TLE2: variants seen among roughly 807,000 people sequenced by gnomAD.
TLE2 encodes the protein TLE family member 2, transcriptional corepressor, also known as transducin-like enhancer protein 2.
Under a neutral mutation model 97.2 loss-of-function variants are expected in TLE2, and 74 were observed. That is an observed-to-expected ratio of 0.76 (90% CI 0.63 to 0.92). The LOEUF (loss-of-function observed/expected upper bound fraction) is 0.92. TLE2 is among the 40% of genes least tolerant of loss of function. The pLI is 0.00. For synonymous variants in TLE2, 499 were observed against 432.1 expected (o/e 1.15, Z -1.92); for missense variants, 1,038 against 1,008.7 (o/e 1.03, Z -0.39).
At chr19:3,023,047 T>C (rs2089875675) in intron 5 of TLE2, among the ~76,000 whole-genome samples, 1 of 148,562 alleles carries the variant, frequency 6.7e-6, no homozygotes, top group South Asian at 2.1e-4. Context: ...AACAGTCATT[T>C]TACCTAATCT....
At position 3,019,134 on chromosome 19, in the gene TLE2, G is replaced by A; in HGVS notation, c.550+149C>T. ...GCTGGTCATGAACTCCTGGGCTCAA[G>A]CGATCCTCCCGCCTCGGCCTCCCAA... On this transcript the variant is annotated intron_variant, in intron 7 of 19. Transcript: ENST00000262953. The surrounding 1 kb of genome is among the most constrained non-coding windows in gnomAD (Gnocchi z 5.1). 8.3e-7 allele frequency: 1 copy of A among 1,199,056 alleles called. No homozygotes were observed. Among genetic ancestry groups the A allele is most frequent in the Non-Finnish European group, 1.1e-6 (1 of 870,638 alleles). 74.3% of individuals were successfully genotyped at this position (1,199,056 alleles called of 1,614,324 possible). A position where few individuals can be genotyped will look rare whatever the true frequency, so the allele number is the denominator to read the frequency against.
At position 3,005,783 on chromosome 19, in the gene TLE2, G is replaced by T; in HGVS notation, c.1686C>A (p.Cys562Ter). 6.2e-7 allele frequency: 1 copy of T among 1,613,984 alleles called. No homozygotes were observed. The highest frequency in any genetic ancestry group is 8.5e-7 in the Non-Finnish European group (1 of 1,179,854). The change falls in exon 16 of 20, where the codon TGC becomes TGA. Residue 562 changes from cysteine to a stop codon, truncating the protein, a stop_gained. Transcript: ENST00000262953. LOFTEE classifies it high-confidence loss of function. ...ALAVSPDAKV[C>*]FSCCSDGNIV... Reference sequence around the variant, plus strand: ...TGTTGCCATCGCTGCAGCAGGAGAAGCAAACCTTGGCGTCGGGGCTGACGG... The same window carrying T: ...TGTTGCCATCGCTGCAGCAGGAGAATCAAACCTTGGCGTCGGGGCTGACGG...
intron 1 of TLE2, among the ~76,000 whole-genome samples, chr19:3,037,341 C>T (rs999042870): frequency 1.3e-5 from 2 of 152,180 alleles, no homozygotes; most frequent in African/African-American, 4.8e-5. Context: ...GGTATTTAAG[C>T]TAGGGTTTTG....
rs553538534 is a variant in TLE2, at chr19:3,026,868, C to T, written c.231+961G>A. Among the ~76,000 whole-genome samples the T allele has an allele frequency of 2.7e-3, 414 of 152,182 alleles. 3 individuals are homozygous for T. Among genetic ancestry groups the T allele is most frequent in the African/African-American group, 9.8e-3 (405 of 41,496 alleles). ...CAGAACCTTGAGGTCTATCTCAGAA[C>T]TCTGAGGTCTATCTCTGACCCTTGA... is the stretch of plus-strand genomic sequence containing the variant. On this transcript the variant is annotated intron_variant, in intron 4 of 19. Coordinates refer to ENST00000262953, the MANE Select transcript of TLE2 (RefSeq NM_003260.5).
Position 3,019,867 on chromosome 19 carries a change from C to T in TLE2, c.295-94G>A, listed in dbSNP as rs993438680. 2 of 1,455,810 alleles carry T rather than the reference C, an allele frequency of 1.4e-6. No individual in the cohort carries two copies. The highest frequency in any genetic ancestry group is 1.2e-5 in the South Asian group (1 of 80,838). The allele number at this position is 1,455,810 out of a possible 1,614,324, so 90.2% of individuals were successfully genotyped here. A position where few individuals can be genotyped will look rare whatever the true frequency, so the allele number is the denominator to read the frequency against. Reference sequence around the variant, plus strand: ...ACCTGACCTCTCCCCGCCACCCTCTCATCTTTGCCCCGGTACTTCCCATTT... The same window carrying T: ...ACCTGACCTCTCCCCGCCACCCTCTTATCTTTGCCCCGGTACTTCCCATTT... On this transcript the variant is annotated intron_variant, in intron 5 of 19. Coordinates refer to ENST00000262953, the MANE Select transcript of TLE2 (RefSeq NM_003260.5). This position sits in a 1 kb window ranked among gnomAD's most constrained non-coding sequence, Gnocchi z 5.1.
At position 2,998,337 on chromosome 19, in the gene TLE2, G is replaced by C. The variant is rs558516553; in HGVS notation, c.2125-382C>G. On this transcript the variant is annotated intron_variant, in intron 19 of 19. Coordinates refer to ENST00000262953, the MANE Select transcript of TLE2 (RefSeq NM_003260.5). ...CTGTTGCCCAGGCTAGAGTGCAATG[G>C]TGTGATCTCTGCTCACTGCAACCTC... 5.3e-5 allele frequency among the ~76,000 whole-genome samples: 8 copies of C among 151,020 alleles called. No homozygotes were observed. In the East Asian group the frequency reaches 1.2e-3, roughly 22 times the overall value.
Position 3,011,147 on chromosome 19 carries a change from G to T in TLE2, c.887C>A (p.Ala296Asp). 1 of 1,602,142 alleles carries T rather than the reference G, an allele frequency of 6.2e-7. No individual in the cohort carries two copies. The highest frequency in any genetic ancestry group is 8.5e-7 in the Non-Finnish European group (1 of 1,173,926). The change falls in exon 12 of 20, where the codon GCC (alanine) becomes GAC (aspartate). Residue 296 changes from alanine (A) to aspartate (D), a missense_variant. Transcript: ENST00000262953. ...AKELILNDLP[A>D]STPASKSCDS... is the part of the protein sequence containing the mutation. Reference sequence around the variant, plus strand: ...ACAGGATTTGGAGGCAGGAGTGCTGGCGGGAAGGTCATTCTGCAGAGAAAG... The same window carrying T: ...ACAGGATTTGGAGGCAGGAGTGCTGTCGGGAAGGTCATTCTGCAGAGAAAG...
At chr19:3,013,936 T>C (rs2089649032) in intron 10 of TLE2, 118 bp from the exon 11 acceptor site, 9 of 1,050,052 alleles carry the variant, frequency 8.6e-6, no homozygotes, top group Admixed American at 3.8e-5. Flanking sequence ...TGACCCACCA[T>C]GGGAAGATTA....
intron 1 of TLE2, among the ~76,000 whole-genome samples, chr19:3,043,123 CT>C (rs1163655130): frequency 1.3e-5 from 2 of 151,666 alleles, no homozygotes; most frequent in African/African-American, 2.4e-5. Flanking sequence ...CCCGGCACAG[CT>C]TTTTGTTTTT....
intron 12 of TLE2, among the ~76,000 whole-genome samples, chr19:3,010,504 G>A (rs764665603): frequency 2.0e-4 from 31 of 152,094 alleles, no homozygotes; most frequent in Non-Finnish European, 4.0e-4. Context: ...GACTATACAG[G>A]GCTGTGAGTT....
In TLE2 at chr19:3,019,268, G is replaced by T; in HGVS notation, c.550+15C>A. 1 of 1,567,470 alleles carries T rather than the reference G, an allele frequency of 6.4e-7. No individual in the cohort carries two copies. Among genetic ancestry groups the T allele is most frequent in the Non-Finnish European group, 8.6e-7 (1 of 1,165,038 alleles). On this transcript the variant is annotated intron_variant, in intron 7 of 19. Coordinates refer to ENST00000262953, the MANE Select transcript of TLE2 (RefSeq NM_003260.5). The surrounding 1 kb of genome is among the most constrained non-coding windows in gnomAD (Gnocchi z 5.1). ...CCGTCTCCCCAGCCAATGCCACCCCGTGCTGCCCACTCACCTCTGGACCCC... is the reference window on the plus strand; with the variant it reads ...CCGTCTCCCCAGCCAATGCCACCCCTTGCTGCCCACTCACCTCTGGACCCC...
rs878931025 is a variant in TLE2, at chr19:3,019,868, A to G, written c.295-95T>C. 88 of 1,455,076 alleles carry G rather than the reference A, an allele frequency of 6.0e-5. No individual in the cohort carries two copies. In the South Asian group the frequency reaches 1.0e-3, roughly 17 times the overall value. The allele number at this position is 1,455,076 out of a possible 1,614,324, so 90.1% of individuals were successfully genotyped here. On this transcript the variant is annotated intron_variant, in intron 5 of 19. Coordinates refer to ENST00000262953, the MANE Select transcript of TLE2 (RefSeq NM_003260.5). This position sits in a 1 kb window ranked among gnomAD's most constrained non-coding sequence, Gnocchi z 5.1. ...CCTGACCTCTCCCCGCCACCCTCTC[A>G]TCTTTGCCCCGGTACTTCCCATTTC...
chr19:3,033,622 C>T (rs2090042343), upstream of TLE2, among the ~76,000 whole-genome samples: 1 of 152,144 alleles, frequency 6.6e-6, no homozygotes, highest in African/African-American at 2.4e-5. Flanking sequence ...CTGCCTAAGC[C>T]CCTGGCTCTG....
rs991521430 is a variant in TLE2 at position 3,009,713 on chromosome 19, A to G, written c.1013-11T>C. The G allele has an allele frequency of 6.2e-7, 1 of 1,605,068 alleles. No individual in the cohort carries two copies. The highest frequency in any genetic ancestry group is 1.3e-5 in the African/African-American group (1 of 74,886). On this transcript the variant is annotated splice_polypyrimidine_tract_variant and intron_variant, in intron 12 of 19. Transcript: ENST00000262953. ...GGGGGCTCCTCAGGGCTGAGACGGA[A>G]GAGTCGGGGACAGGTTTTGACGCCC...
chr19:3,021,931 C>T (rs982520782), intron 5 of TLE2, among the ~76,000 whole-genome samples: 8 of 152,174 alleles, frequency 5.3e-5, no homozygotes, highest in African/African-American at 1.4e-4. Flanking sequence ...TCAGGTCGGG[C>T]GCAGTGGCTC....
chr19:3,038,271 C>A (rs10425504), intron 1 of TLE2, among the ~76,000 whole-genome samples: 14,819 of 152,176 alleles, frequency 0.097, 2,431 homozygotes, highest in African/African-American at 0.33. Context: ...GCAGTGCCAC[C>A]GTCATAGCTC....
chr19:2,998,228 G>A (rs372812145), intron 19 of TLE2, among the ~76,000 whole-genome samples: 17 of 140,060 alleles, frequency 1.2e-4, no homozygotes, highest in African/African-American at 4.8e-4. Flanking sequence ...CCGCAACCAC[G>A]CCCGGCCAAT....
At chr19:3,013,839 T>C (rs367964760) in intron 10 of TLE2, 21 bp from the exon 11 acceptor site, 7 of 1,496,508 alleles carry the variant, frequency 4.7e-6, no homozygotes, top group African/African-American at 4.4e-5. Flanking sequence ...GGAGGTGACG[T>C]TGAGCAGAGT....
chr19:3,030,326 C>A (rs1299415951), upstream of TLE2, among the ~76,000 whole-genome samples: 2 of 152,206 alleles, frequency 1.3e-5, no homozygotes, highest in Non-Finnish European at 2.9e-5. Context: ...GCTCCAGCCC[C>A]GACCAGAGAC....
Sources: gnomAD v4.1 joint callset for allele counts (sites outside exome capture counted in the v4.1 genomes callset) on GRCh38, gnomAD v4.1.1 for gene constraint, Gnocchi (gnomAD v3.1) non-coding constraint, MANE v1.5 for transcripts, NCBI Gene and HGNC (gene_info 2026-07-23, HGNC 2026-07-21) for gene names.